Variants in WNK1 observed in about 807,000 individuals in gnomAD.
WNK1 encodes the protein serine/threonine-protein kinase WNK1.
WNK1 carries 38 observed loss-of-function variants against 222.8 expected under a neutral mutation model. The ratio of observed to expected loss-of-function variants is 0.17; its 90% CI spans 0.13 to 0.22. The LOEUF is 0.22. Among genes scored for constraint, WNK1 ranks in the 10% least tolerant of loss-of-function variants. WNK1 has a pLI of 1.00. For missense variants in WNK1, 2,348 were observed against 2,918.4 expected (o/e 0.80, Z 4.50); for synonymous variants, 1,090 against 1,092.9 (o/e 1.00, Z 0.05).
intron 4 of WNK1, among the ~76,000 whole-genome samples, chr12:835,942 A>G (rs1949145016): frequency 6.6e-6 from 1 of 151,882 alleles, no homozygotes; most frequent in South Asian, 2.1e-4. Context: ...TGACAGCAAG[A>G]CTTGGTCTAA....
At chr12:787,965 G>A (rs1291863512) in intron 1 of WNK1, among the ~76,000 whole-genome samples, 2 of 152,080 alleles carry the variant, frequency 1.3e-5, no homozygotes, top group Non-Finnish European at 2.9e-5. Flanking sequence ...TAGTTTACTT[G>A]GTTGTTGGGG....
At chr12:882,813 C>T (rs1953296066) in intron 14 of WNK1, 130 bp from the exon 15 acceptor site, 1 of 698,200 alleles carries the variant, frequency 1.4e-6, no homozygotes, top group Non-Finnish European at 2.6e-6. Flanking sequence ...AGTACTAGTG[C>T]TCCAAGGAAC....
In WNK1 at chr12:758,646, C is replaced by CT. The variant is rs80207436; in HGVS notation, c.759+4323dup. Among the ~76,000 whole-genome samples, 51 of 147,116 alleles carry CT rather than the reference C, an allele frequency of 3.5e-4. No homozygotes were observed. In the East Asian group the frequency reaches 8.6e-3, roughly 25 times the overall value. On this transcript the variant is annotated intron_variant, in intron 1 of 27. Coordinates refer to ENST00000315939, the MANE Select transcript of WNK1 (RefSeq NM_018979.4). ...AAATATCTAATTGAACTGAATCTCT[C>CT]TATTTGAATGTTGGTGATTTTTTCC...
At chr12:799,005 T>C (rs1307012225) in intron 1 of WNK1, among the ~76,000 whole-genome samples, 1 of 152,210 alleles carries the variant, frequency 6.6e-6, no homozygotes, top group East Asian at 1.9e-4. Flanking sequence ...ATTCTCTTTT[T>C]TGGGGGGGCA....
rs1211549914 is a variant in WNK1 at position 843,160 on chromosome 12, CT to C, written c.1311+13001del. On this transcript the variant is annotated intron_variant, in intron 4 of 27. Coordinates refer to ENST00000315939, the MANE Select transcript of WNK1 (RefSeq NM_018979.4). ...CCGTGTTAGTCAGGCTGTTCTGGAA[CT>C]CCTGAGGTCAAGTGATCCACCCACC... Among the ~76,000 whole-genome samples, 4 of 152,158 alleles carry C rather than the reference CT, an allele frequency of 2.6e-5. No homozygotes were observed. In the East Asian group the frequency reaches 7.7e-4, roughly 29 times the overall value.
At chr12:790,038 C>T (rs1944688696) in intron 1 of WNK1, among the ~76,000 whole-genome samples, 1 of 152,084 alleles carries the variant, frequency 6.6e-6, no homozygotes, top group Non-Finnish European at 1.5e-5. Context: ...GCTTGCTTTT[C>T]CTCTAGTACA....
intron 4 of WNK1, among the ~76,000 whole-genome samples, chr12:852,448 A>T (rs1181723468): frequency 6.6e-6 from 1 of 152,230 alleles, no homozygotes; most frequent in Admixed American, 6.5e-5. Context: ...GTCAAAAAAC[A>T]TATGACACTA....
At chr12:880,655 C>A in intron 11 of WNK1, 66 bp from the exon 12 acceptor site, 1 of 1,399,232 alleles carries the variant, frequency 7.1e-7, no homozygotes, top group African/African-American at 1.5e-5. Context: ...TTTTGCATGT[C>A]TTGCTGTTTT....
In WNK1 at chr12:799,874, G is replaced by C. The variant is rs1318092857; in HGVS notation, c.760-13768G>C. Among the ~76,000 whole-genome samples the C allele has an allele frequency of 2.6e-5, 4 of 152,056 alleles. No homozygotes were observed. In the South Asian group the frequency reaches 8.3e-4, roughly 32 times the overall value. On this transcript the variant is annotated intron_variant, in intron 1 of 27. Transcript: ENST00000315939. Reference sequence around the variant, plus strand: ...TACTTTTTGTATTTTTAGTAGAGACGGGGTTTCACCATGTTGGCCAGGCTG... The same window carrying C: ...TACTTTTTGTATTTTTAGTAGAGACCGGGTTTCACCATGTTGGCCAGGCTG...
chr12:845,870 A>T (rs542825458), intron 4 of WNK1, among the ~76,000 whole-genome samples: 1 of 152,314 alleles, frequency 6.6e-6, no homozygotes, highest in Admixed American at 6.5e-5. Context: ...ACAAGCTAAC[A>T]TTTATTTGTA....
chr12:866,063 G>T (rs1951641871), intron 8 of WNK1, among the ~76,000 whole-genome samples: 1 of 73,768 alleles, frequency 1.4e-5, no homozygotes, highest in African/African-American at 3.8e-5. Flanking sequence ...TAAGCATGTG[G>T]GTCCTTGCTG....
At chr12:847,571 C>G (rs1950108118) in intron 4 of WNK1, among the ~76,000 whole-genome samples, 1 of 152,086 alleles carries the variant, frequency 6.6e-6, no homozygotes, top group Admixed American at 6.5e-5. Flanking sequence ...TTTCACACCA[C>G]TTTTAAAAGC....
At chr12:857,545 AAG>A (rs1351703826) in intron 5 of WNK1, among the ~76,000 whole-genome samples, 3 of 152,218 alleles carry the variant, frequency 2.0e-5, no homozygotes, top group Admixed American at 2.0e-4. Context: ...AAACTCAAAA[AAG>A]AGTTTAATAT....
intron 1 of WNK1, among the ~76,000 whole-genome samples, chr12:802,500 G>GT (rs1410624070): frequency 6.6e-6 from 1 of 152,116 alleles, no homozygotes; most frequent in Non-Finnish European, 1.5e-5. Context: ...TCCTTGTTCA[G>GT]TATAGAAGTT....
At chr12:811,210 G>T (rs1946872104) in intron 1 of WNK1, among the ~76,000 whole-genome samples, 1 of 152,014 alleles carries the variant, frequency 6.6e-6, no homozygotes. Context: ...TTTTATCATT[G>T]TATTCATGAT....
At chr12:822,629 G>A (rs541294197) in intron 2 of WNK1, among the ~76,000 whole-genome samples, 3 of 152,124 alleles carry the variant, frequency 2.0e-5, no homozygotes, top group African/African-American at 7.2e-5. Flanking sequence ...CTTTAATACA[G>A]CATACAAATC....
At chr12:817,665 G>A (rs535958244) in intron 2 of WNK1, among the ~76,000 whole-genome samples, 16 of 152,262 alleles carry the variant, frequency 1.1e-4, no homozygotes, top group African/African-American at 2.6e-4. Context: ...AAGGCCAGGC[G>A]TGGTAGTTCA....
intron 22 of WNK1, among the ~76,000 whole-genome samples, chr12:892,370 A>T (rs1279515517): frequency 1.3e-5 from 2 of 152,210 alleles, no homozygotes; most frequent in Admixed American, 1.3e-4. Flanking sequence ...AATGGACAAT[A>T]CATAAATAAA....
At position 868,487 on chromosome 12, in the gene WNK1, G is replaced by T. The variant is rs1592098532; in HGVS notation, c.2140-2778G>T. 6.2e-7 allele frequency: 1 copy of T among 1,613,884 alleles called. No homozygotes were observed. Among genetic ancestry groups the T allele is most frequent in the Non-Finnish European group, 8.5e-7 (1 of 1,179,868 alleles). On this transcript the variant is annotated intron_variant, in intron 8 of 27. Coordinates refer to ENST00000315939, the MANE Select transcript of WNK1 (RefSeq NM_018979.4). ...GAATCTAAGATTAGATTCTGGATTG[G>T]GTCCGGGATCTCCCCTCTCTAGTAT...
Sources: gnomAD v4.1 joint callset for allele counts (sites outside exome capture counted in the v4.1 genomes callset) on GRCh38, gnomAD v4.1.1 for gene constraint, MANE v1.5 for transcripts, NCBI Gene and HGNC (gene_info 2026-07-23, HGNC 2026-07-21) for gene names.